Variants in PDZRN4 observed in about 807,000 individuals in gnomAD.
PDZRN4 encodes PDZ domain-containing RING finger protein 4.
PDZRN4 carries 70 observed loss-of-function variants against 99.0 expected under a neutral mutation model. The ratio of observed to expected loss-of-function variants is 0.71; its 90% confidence interval spans 0.58 to 0.86. The LOEUF (loss-of-function observed/expected upper bound fraction) is 0.86, where lower values mean the gene tolerates loss of function less well. PDZRN4 is among the 40% of genes least tolerant of loss of function. The pLI, the probability that PDZRN4 is intolerant of heterozygous loss-of-function variation, is 0.00. For missense variants in PDZRN4, 1,474 were observed against 1,331.2 expected (o/e 1.11, Z -1.67); for synonymous variants, 551 against 501.6 (o/e 1.10, Z -1.32).
chr12:41,564,441 T>C (rs1939327804), intron 8 of PDZRN4, among the ~76,000 whole-genome samples: 1 of 152,028 alleles, frequency 6.6e-6, no homozygotes, highest in Non-Finnish European at 1.5e-5. Context: ...CACCAGTCTA[T>C]CTATCTGTCA....
At chr12:41,355,057 T>A (rs1951916841) in intron 3 of PDZRN4, among the ~76,000 whole-genome samples, 1 of 151,982 alleles carries the variant, frequency 6.6e-6, no homozygotes, top group Admixed American at 6.6e-5. Context: ...ACCGACTAAG[T>A]GTTTGCTTTG....
intron 2 of PDZRN4, among the ~76,000 whole-genome samples, chr12:41,193,240 A>T (rs1950746983): frequency 6.6e-6 from 1 of 152,172 alleles, no homozygotes. Flanking sequence ...TTGGTATTTG[A>T]CATTTAGATG....
intron 5 of PDZRN4, among the ~76,000 whole-genome samples, chr12:41,541,590 A>G (rs1938857559): frequency 6.6e-6 from 1 of 151,696 alleles, no homozygotes; most frequent in Admixed American, 6.6e-5. Context: ...AGTAGCTGGG[A>G]CTACAGGCAC....
intron 3 of PDZRN4, among the ~76,000 whole-genome samples, chr12:41,421,197 C>T (rs1419203430): frequency 6.6e-6 from 1 of 152,012 alleles, no homozygotes; most frequent in Non-Finnish European, 1.5e-5. Context: ...TATTAGACTA[C>T]TATTTGTTTC....
At chr12:41,329,948 G>A (rs1003168774) in intron 3 of PDZRN4, among the ~76,000 whole-genome samples, 9 of 152,028 alleles carry the variant, frequency 5.9e-5, no homozygotes, top group African/African-American at 2.2e-4. Flanking sequence ...TCTCATGATA[G>A]CCACTGGACA....
chr12:41,394,016 G>A (rs1056326634), intron 3 of PDZRN4, among the ~76,000 whole-genome samples: 4 of 152,188 alleles, frequency 2.6e-5, no homozygotes, highest in African/African-American at 9.6e-5. Context: ...TAGATTGAAT[G>A]CCTTATAAAT....
At chr12:41,425,759 G>A (rs892341046) in intron 3 of PDZRN4, among the ~76,000 whole-genome samples, 1 of 152,152 alleles carries the variant, frequency 6.6e-6, no homozygotes, top group East Asian at 1.9e-4. Context: ...TCAGTCAATA[G>A]CAATTGCGGA....
chr12:41,317,048 G>GTATATA (rs33919115), intron 3 of PDZRN4, among the ~76,000 whole-genome samples: 27 of 69,586 alleles, frequency 3.9e-4, no homozygotes, highest in African/African-American at 9.5e-4. Context: ...CTTACATAAA[G>GTATATA]TATATATATA....
chr12:41,295,137 G>A (rs1397009440), intron 3 of PDZRN4, among the ~76,000 whole-genome samples: 2 of 152,040 alleles, frequency 1.3e-5, no homozygotes, highest in Non-Finnish European at 2.9e-5. Context: ...TAAATGATAA[G>A]GTCAAAATAA....
chr12:41,260,090 C>G (rs1187927731), intron 3 of PDZRN4, among the ~76,000 whole-genome samples: 1 of 152,122 alleles, frequency 6.6e-6, no homozygotes, highest in Admixed American at 6.5e-5. Context: ...AATGCATTTT[C>G]TATCAAAAAT....
intron 5 of PDZRN4, among the ~76,000 whole-genome samples, chr12:41,520,553 G>A (rs771205488): frequency 1.3e-5 from 2 of 151,374 alleles, no homozygotes; most frequent in Non-Finnish European, 2.9e-5. Flanking sequence ...GAGAAAATAT[G>A]ATCATATTTT....
intron 3 of PDZRN4, among the ~76,000 whole-genome samples, chr12:41,422,843 A>G (rs967272630): frequency 3.9e-5 from 6 of 152,040 alleles, no homozygotes; most frequent in Non-Finnish European, 5.9e-5. Flanking sequence ...CATTAGTAAT[A>G]TGTGTGTGTG....
chr12:41,266,876 TTAAGA>T (rs1414954360), intron 3 of PDZRN4, among the ~76,000 whole-genome samples: 3 of 152,248 alleles, frequency 2.0e-5, no homozygotes, highest in African/African-American at 7.2e-5. Flanking sequence ...TGAATAGTTC[TTAAGA>T]TAATACCATA....
chr12:41,345,286 GAAT>G (rs1221694197), intron 3 of PDZRN4, among the ~76,000 whole-genome samples: 1 of 152,128 alleles, frequency 6.6e-6, no homozygotes, highest in Non-Finnish European at 1.5e-5. Context: ...TTTTGTTACT[GAAT>G]ATTAGACAAA....
intron 3 of PDZRN4, among the ~76,000 whole-genome samples, chr12:41,250,563 G>A (rs2120807019): frequency 6.6e-6 from 1 of 152,302 alleles, no homozygotes; most frequent in South Asian, 2.1e-4. Flanking sequence ...ATTTAACCAT[G>A]CCAATGCTAT....
intron 3 of PDZRN4, among the ~76,000 whole-genome samples, chr12:41,316,322 G>T (rs1951637918): frequency 6.6e-6 from 1 of 152,088 alleles, no homozygotes. Context: ...TGAGGAAGAG[G>T]ATCTGCTTTT....
chr12:41,437,955 A>G, intron 3 of PDZRN4: 1 of 1,614,052 alleles, frequency 6.2e-7, no homozygotes, highest in Non-Finnish European at 8.5e-7. Flanking sequence ...ATGGGCTGCA[A>G]TTTGTGCACT....
intron 9 of PDZRN4, among the ~76,000 whole-genome samples, chr12:41,571,804 T>A (rs1274385033): frequency 6.6e-6 from 1 of 152,172 alleles, no homozygotes; most frequent in Non-Finnish European, 1.5e-5. Flanking sequence ...TCCTCACCTA[T>A]AGATAGCAAT....
intron 3 of PDZRN4, among the ~76,000 whole-genome samples, chr12:41,364,918 GA>G (rs1242358275): frequency 6.6e-6 from 1 of 151,950 alleles, no homozygotes; most frequent in South Asian, 2.1e-4. Flanking sequence ...CCAGTGGGGA[GA>G]AAAAAATAAA....
Sources: gnomAD v4.1 joint callset for allele counts (sites outside exome capture counted in the v4.1 genomes callset) on GRCh38, gnomAD v4.1.1 for gene constraint, MANE v1.5 for transcripts, NCBI Gene and HGNC (gene_info 2026-07-23, HGNC 2026-07-21) for gene names.